Variants in SREBF2 observed in about 807,000 individuals in gnomAD.
SREBF2 encodes sterol regulatory element binding transcription factor 2, also known as sterol regulatory element-binding protein 2.
SREBF2 carries 55 observed loss-of-function variants against 113.1 expected under a neutral mutation model. The ratio of observed to expected loss-of-function variants is 0.49; its 90% CI spans 0.39 to 0.61. The LOEUF is 0.61. Ranked by LOEUF, SREBF2 falls within the 20% of genes least tolerant of loss-of-function variation. The probability of loss-of-function intolerance (pLI) is 0.00; values close to 1 mark genes in which losing one functional copy is unlikely to be tolerated. For missense variants in SREBF2, 1,349 were observed against 1,487.4 expected, an observed-to-expected ratio of 0.91 and a Z score of 1.53; for synonymous variants, 593 against 605.7, an observed-to-expected ratio of 0.98 and a Z score of 0.31.
intron 1 of SREBF2, among the ~76,000 whole-genome samples, chr22:41,850,460 A>G (rs1364564399): frequency 4.6e-5 from 7 of 152,056 alleles, no homozygotes; most frequent in African/African-American, 1.4e-4. Context: ...AAAAAAAAAA[A>G]AAAAGTAATG....
At chr22:41,835,458 G>A (rs543668568) in intron 1 of SREBF2, among the ~76,000 whole-genome samples, 1 of 151,504 alleles carries the variant, frequency 6.6e-6, no homozygotes, top group South Asian at 2.1e-4. Flanking sequence ...TTACAGGCAT[G>A]CGCCACCACG....
intron 1 of SREBF2, among the ~76,000 whole-genome samples, chr22:41,845,368 G>A (rs2255957): frequency 0.13 from 19,301 of 152,124 alleles, 1,424 homozygotes; most frequent in South Asian, 0.19. Context: ...CATATTCTTC[G>A]CTGTCCTATG....
intron 7 of SREBF2, among the ~76,000 whole-genome samples, chr22:41,875,981 C>G (rs150219510): frequency 1.3e-5 from 2 of 152,224 alleles, no homozygotes; most frequent in South Asian, 2.1e-4. Context: ...AGATCCAGAA[C>G]GAGAATGCAG....
chr22:41,877,822 G>A, intron 8 of SREBF2, 120 bp from the exon 9 acceptor site: 2 of 1,032,752 alleles, frequency 1.9e-6, no homozygotes, highest in Admixed American at 1.7e-5. Flanking sequence ...AGAATTATTT[G>A]CCCTTTCTTC....
At chr22:41,859,701 A>G (rs74823524) in intron 1 of SREBF2, among the ~76,000 whole-genome samples, 13,976 of 150,668 alleles carry the variant, frequency 0.093, 734 homozygotes, top group East Asian at 0.15. Context: ...TCAATCCGTG[A>G]GTTAGCTGTA....
At chr22:41,881,865 A>G (rs2077248602) in intron 10 of SREBF2, among the ~76,000 whole-genome samples, 1 of 152,136 alleles carries the variant, frequency 6.6e-6, no homozygotes, top group Non-Finnish European at 1.5e-5. Context: ...TGCACTCAGG[A>G]GTTCGAGACC....
In SREBF2 at chr22:41,877,265, G is replaced by A. The variant is rs139864441; in HGVS notation, c.1423G>A (p.Gly475Ser). ...DEPDSPPVAL[G>S]MVDRSRILLC... Reference sequence around the variant, plus strand: ...GCCAGACTCTCCTCCTGTGGCGCTGGGCATGGTAGACCGCTCACGGATTCT... The same window carrying A: ...GCCAGACTCTCCTCCTGTGGCGCTGAGCATGGTAGACCGCTCACGGATTCT... The change falls in exon 8 of 19, where the codon GGC becomes AGC. Residue 475 changes from glycine to serine, a missense_variant. This residue lies in a region of SREBF2 where 699 missense variants were observed against 843.3 expected (regional missense o/e 0.83). Coordinates refer to ENST00000361204, the MANE Select transcript of SREBF2 (RefSeq NM_004599.4). The A allele has an allele frequency of 6.2e-7, 1 of 1,614,184 alleles. No homozygotes were observed. Among genetic ancestry groups the A allele is most frequent in the Non-Finnish European group, 8.5e-7 (1 of 1,180,046 alleles).
At chr22:41,904,237 C>G (rs962820535) in intron 17 of SREBF2, among the ~76,000 whole-genome samples, 1 of 152,154 alleles carries the variant, frequency 6.6e-6, no homozygotes, top group Non-Finnish European at 1.5e-5. Context: ...AGCCCATCAG[C>G]GGCTCCCCAT....
rs750825570 is a variant in SREBF2, at chr22:41,904,756, G to C, written c.3094-107G>C. On this transcript the variant is annotated intron_variant, in intron 17 of 18. Coordinates refer to ENST00000361204, the MANE Select transcript of SREBF2 (RefSeq NM_004599.4). Reference sequence around the variant, plus strand: ...GGGTGAGCAAGGCAGGGTGGTGTGGGAAGGGATGTCATGAGGTGGCAGGCG... The same window carrying C: ...GGGTGAGCAAGGCAGGGTGGTGTGGCAAGGGATGTCATGAGGTGGCAGGCG... 10 of 874,184 alleles carry C rather than the reference G, an allele frequency of 1.1e-5. 1 individual carries two copies. The South Asian group carries it at 1.4e-4, about 12-fold the overall frequency. The allele number at this position is 874,184 out of a possible 1,614,324, so 54.2% of individuals were successfully genotyped here. A position where few individuals can be genotyped will look rare whatever the true frequency, so the allele number is the denominator to read the frequency against.
chr22:41,880,689 C>T (rs1208437004), intron 9 of SREBF2, 27 bp from the exon 10 acceptor site: 1 of 1,614,002 alleles, frequency 6.2e-7, no homozygotes, highest in Non-Finnish European at 8.5e-7. Flanking sequence ...AGGCCAGTGA[C>T]CATTAACACC....
In SREBF2 at chr22:41,903,066, C is replaced by T. The variant is rs757978856; in HGVS notation, c.3004C>T (p.His1002Tyr). Residue 1002 changes from histidine to tyrosine, a missense_variant, in exon 17 of 19, where the codon CAC becomes TAC. This residue lies in a region of SREBF2 where 650 missense variants were observed against 644.1 expected (regional missense o/e 1.01). Coordinates refer to ENST00000361204, the MANE Select transcript of SREBF2 (RefSeq NM_004599.4). Reference protein sequence around the residue: ...SASQAVGETYHASGAELAGFQ... With the variant: ...SASQAVGETYYASGAELAGFQ... The stretch of plus-strand genomic sequence containing the variant: ...CAGCCAGGCTGTGGGGGAGACCTAC[C>T]ACGCGTCAGGCGCTGAACTGGCGGG... The T allele has an allele frequency of 6.2e-7, 1 of 1,601,538 alleles. No homozygotes were observed. Among genetic ancestry groups the T allele is most frequent in the Admixed American group, 1.7e-5 (1 of 58,796 alleles).
intron 11 of SREBF2, among the ~76,000 whole-genome samples, chr22:41,890,460 G>A (rs1234273026): frequency 6.6e-6 from 1 of 152,216 alleles, no homozygotes; most frequent in Non-Finnish European, 1.5e-5. Context: ...CGATTTGAGA[G>A]CCATGGGGTT....
At chr22:41,886,702 A>C (rs1257150620) in intron 11 of SREBF2, among the ~76,000 whole-genome samples, 2 of 152,138 alleles carry the variant, frequency 1.3e-5, no homozygotes, top group African/African-American at 4.8e-5. Context: ...TCTATTGTTC[A>C]TCATTTCAGT....
At chr22:41,896,128 T>A (rs1437312878) in intron 13 of SREBF2, among the ~76,000 whole-genome samples, 4 of 149,266 alleles carry the variant, frequency 2.7e-5, no homozygotes, top group Non-Finnish European at 4.5e-5. Flanking sequence ...GTGACAGAGC[T>A]AGACTCTGTC....
intron 5 of SREBF2, 40 bp from the exon 6 acceptor site, chr22:41,875,297 G>T: frequency 6.5e-7 from 1 of 1,549,226 alleles, no homozygotes. Flanking sequence ...ACTGTAGCCT[G>T]CACTGGTCTC....
chr22:41,873,162 A>G (rs2077162675), intron 4 of SREBF2, among the ~76,000 whole-genome samples: 1 of 152,180 alleles, frequency 6.6e-6, no homozygotes, highest in African/African-American at 2.4e-5. Flanking sequence ...ACACCATTGC[A>G]TTCCAGCCTG....
intron 1 of SREBF2, among the ~76,000 whole-genome samples, chr22:41,862,216 C>A (rs1210034211): frequency 1.3e-5 from 2 of 152,200 alleles, no homozygotes; most frequent in African/African-American, 4.8e-5. Flanking sequence ...TACCTCCAAG[C>A]CACAAGCTCC....
rs749387783 is a variant in SREBF2 at position 41,900,331 on chromosome 22, A to G, written c.2740A>G (p.Ser914Gly). 6.2e-7 allele frequency: 1 copy of G among 1,612,876 alleles called. No individual in the cohort carries two copies. The highest frequency in any genetic ancestry group is 1.1e-5 in the South Asian group (1 of 91,080). Residue 914 changes from serine (S) to glycine (G), a missense_variant and splice_region_variant, in exon 16 of 19, where the codon AGC becomes GGC. This residue lies in a region of SREBF2 where 650 missense variants were observed against 644.1 expected (regional missense o/e 1.01). Transcript: ENST00000361204. ...CTCGACTCCCTGTCACTGCTGCAGG[A>G]GCCCCCTGGTGAAGGCCATCTTCCA... is the stretch of plus-strand genomic sequence containing the variant. ...RIPKALEVTESPLVKAIFHAC... is the reference protein window; with the variant it reads ...RIPKALEVTEGPLVKAIFHAC...
chr22:41,869,452 G>C (rs560304300), intron 3 of SREBF2, among the ~76,000 whole-genome samples: 4 of 150,710 alleles, frequency 2.7e-5, no homozygotes, highest in South Asian at 4.2e-4. Flanking sequence ...TATTGGGTTG[G>C]GGGGAGGGGG....
Sources: allele counts gnomAD v4.1 joint callset (sites outside exome capture counted in the v4.1 genomes callset), GRCh38; gene constraint gnomAD v4.1.1; regional missense constraint gnomAD v4.1.1; transcripts MANE v1.5; gene names NCBI Gene and HGNC (gene_info 2026-07-23, HGNC 2026-07-21).